Variants in CDH5 observed in about 807,000 individuals in gnomAD.
CDH5 encodes the protein cadherin 5.
Under a neutral mutation model 62.0 loss-of-function variants are expected in CDH5, and 28 were observed. The ratio of observed to expected loss-of-function variants is 0.45; its 90% CI spans 0.33 to 0.62. CDH5 has a LOEUF of 0.62. CDH5 is among the 20% of genes least tolerant of loss of function. The pLI, the probability that CDH5 is intolerant of heterozygous loss-of-function variation, is 0.02. For missense variants in CDH5, 940 were observed against 1,065.1 expected, an observed-to-expected ratio of 0.88 and a Z score of 1.63; for synonymous variants, 464 against 445.8, an observed-to-expected ratio of 1.04 and a Z score of -0.52.
At position 66,390,494 on chromosome 16, in the gene CDH5, G is replaced by A; in HGVS notation, c.873G>A (p.Arg291=). 2 of 1,614,168 alleles carry A rather than the reference G, an allele frequency of 1.2e-6. No individual in the cohort carries two copies. The highest frequency in any genetic ancestry group is 1.7e-6 in the Non-Finnish European group (2 of 1,180,038). The part of the protein sequence containing the change: ...FVEDPDEPQN[R]MTKYSILRGD... Reference sequence around the variant, plus strand: ...AGGACCCAGATGAGCCCCAGAACCGGATGACCAAGTACAGCATCTTGCGGG... The same window carrying A: ...AGGACCCAGATGAGCCCCAGAACCGAATGACCAAGTACAGCATCTTGCGGG... The change falls in exon 6 of 12, where the codon CGG becomes CGA. Residue 291 remains arginine (R), a synonymous_variant. Transcript: ENST00000341529.
chr16:66,377,319 A>G (rs1426781064), intron 1 of CDH5: 1 of 152,248 alleles, frequency 6.6e-6, no homozygotes, highest in Non-Finnish European at 1.5e-5. Context: ...ATGGCTGAGG[A>G]AACTGAGGCC....
chr16:66,371,122 C>T (rs1960679588), intron 1 of CDH5, among the ~76,000 whole-genome samples: 2 of 152,124 alleles, frequency 1.3e-5, no homozygotes, highest in Admixed American at 1.3e-4. Flanking sequence ...TCCCGAGCTC[C>T]CAGGGCCTCA....
chr16:66,369,980 T>G (rs1010754631), intron 1 of CDH5, among the ~76,000 whole-genome samples: 12 of 150,280 alleles, frequency 8.0e-5, no homozygotes, highest in Non-Finnish European at 1.3e-4. Flanking sequence ...CTGGAGACTT[T>G]TTTGTTTGTT....
Position 66,402,966 on chromosome 16 carries a change from C to G in CDH5, c.2152C>G (p.His718Asp), listed in dbSNP as rs765646770. The G allele has an allele frequency of 1.9e-6, 3 of 1,612,980 alleles. No homozygotes were observed. The East Asian group carries it at 6.7e-5, about 36-fold the overall frequency. Residue 718 changes from histidine to aspartate, a missense_variant, in exon 12 of 12, where the codon CAC (histidine) becomes GAC (aspartate). By Grantham distance (81) the His-to-Asp change is moderately conservative (BLOSUM62 -1). Coordinates refer to ENST00000341529, the MANE Select transcript of CDH5 (RefSeq NM_001795.5). Reference protein sequence around the residue: ...MIEVKKDEADHDGDGPPYDTL... With the variant: ...MIEVKKDEADDDGDGPPYDTL... The stretch of plus-strand genomic sequence containing the variant: ...CGAGGTGAAGAAGGACGAGGCGGAC[C>G]ACGACGGCGACGGCCCCCCCTACGA...
In CDH5 at chr16:66,402,824, G is replaced by C. The variant is rs1358417367; in HGVS notation, c.2010G>C (p.Gly670=). 6.3e-7 allele frequency: 1 copy of C among 1,599,638 alleles called. No individual in the cohort carries two copies. The highest frequency in any genetic ancestry group is 8.5e-7 in the Non-Finnish European group (1 of 1,173,858). ...VSVLNSVRRG[G]AKPPRPALDA... The stretch of plus-strand genomic sequence containing the variant: ...TGCTCAACTCGGTGCGCCGCGGCGG[G>C]GCCAAGCCCCCGCGGCCCGCGCTGG... The change falls in exon 12 of 12, where the codon GGG becomes GGC. Residue 670 remains glycine, a synonymous_variant. Coordinates refer to ENST00000341529, the MANE Select transcript of CDH5 (RefSeq NM_001795.5).
rs1961213023 is a variant in CDH5, at chr16:66,397,884, A to T, written c.1361-98A>T. 4 of 1,408,782 alleles carry T rather than the reference A, an allele frequency of 2.8e-6. No individual in the cohort carries two copies. The East Asian group carries it at 9.2e-5, about 32-fold the overall frequency. 87.3% of individuals were successfully genotyped at this position (1,408,782 alleles called of 1,614,324 possible). A position where few individuals can be genotyped will look rare whatever the true frequency, so the allele number is the denominator to read the frequency against. Reference sequence around the variant, plus strand: ...CTGTTCCACAGCCTCCTCCTGCAAAAAGTGGCCTCCATAGGGCAGCCCTCC... The same window carrying T: ...CTGTTCCACAGCCTCCTCCTGCAAATAGTGGCCTCCATAGGGCAGCCCTCC... On this transcript the variant is annotated intron_variant, in intron 8 of 11. Coordinates refer to ENST00000341529, the MANE Select transcript of CDH5 (RefSeq NM_001795.5).
At chr16:66,371,718 C>T (rs1960694453) in intron 1 of CDH5, among the ~76,000 whole-genome samples, 1 of 152,186 alleles carries the variant, frequency 6.6e-6, no homozygotes, top group South Asian at 2.1e-4. Context: ...CCCCTGGAAT[C>T]TAAGGCTTGA....
intron 8 of CDH5, among the ~76,000 whole-genome samples, chr16:66,397,003 G>C (rs1961196456): frequency 6.6e-6 from 1 of 152,088 alleles, no homozygotes; most frequent in African/African-American, 2.4e-5. Context: ...ACATTTAAAT[G>C]GTTTAAAATA....
chr16:66,387,853 A>G (rs1235953422), intron 3 of CDH5, among the ~76,000 whole-genome samples: 1 of 152,058 alleles, frequency 6.6e-6, no homozygotes, highest in Non-Finnish European at 1.5e-5. Context: ...TCTTCAGTAC[A>G]CCTCAGACTC....
intron 10 of CDH5, among the ~76,000 whole-genome samples, 178 bp downstream of exon 10, chr16:66,398,739 A>T (rs1409482643): frequency 6.6e-6 from 1 of 152,216 alleles, no homozygotes; most frequent in African/African-American, 2.4e-5. Context: ...CTCCAAAAAA[A>T]GAACAAATGC....
chr16:66,400,155 G>A (rs1249301050), intron 10 of CDH5, among the ~76,000 whole-genome samples: 1 of 152,206 alleles, frequency 6.6e-6, no homozygotes, highest in Non-Finnish European at 1.5e-5. Context: ...TTGGGTACAG[G>A]AAACCACTGA....
rs1438706346 is a variant in CDH5 at position 66,392,400 on chromosome 16, C to T, written c.1217+17C>T. The stretch of plus-strand genomic sequence containing the variant: ...TAGCATTGGGTAAGGGGGCGTGTGT[C>T]GATGAGAATGATAAGGACAATCCGG... On this transcript the variant is annotated intron_variant, in intron 7 of 11. Coordinates refer to ENST00000341529, the MANE Select transcript of CDH5 (RefSeq NM_001795.5). 1.6e-5 allele frequency: 26 copies of T among 1,613,480 alleles called. No homozygotes were observed. The highest frequency in any genetic ancestry group is 1.7e-4 in the Middle Eastern group (1 of 6,034).
At chr16:66,368,329 C>T (rs1960624466) in intron 1 of CDH5, among the ~76,000 whole-genome samples, 1 of 152,180 alleles carries the variant, frequency 6.6e-6, no homozygotes, top group South Asian at 2.1e-4. Flanking sequence ...GGCCCAAGAG[C>T]TGCTGAGCCC....
chr16:66,402,704 G>T lies in CDH5; in HGVS notation c.1890G>T (p.Ala630=), dbSNP rs199547402. 32 of 1,608,612 alleles carry T rather than the reference G, an allele frequency of 2.0e-5. No homozygotes were observed. The East Asian group carries it at 4.9e-4, about 25-fold the overall frequency. The change falls in exon 12 of 12, where the codon GCG becomes GCT. Residue 630 remains alanine (A), a synonymous_variant. Transcript: ENST00000341529. Reference sequence around the variant, plus strand: ...GGCGGCTCCGGAAGCAGGCCCGCGCGCACGGCAAGAGCGTGCCGGAGATCC... The same window carrying T: ...GGCGGCTCCGGAAGCAGGCCCGCGCTCACGGCAAGAGCGTGCCGGAGATCC... The part of the protein sequence containing the change: ...LRRRLRKQAR[A]HGKSVPEIHE...
At chr16:66,376,953 G>C (rs948252871) in intron 1 of CDH5, among the ~76,000 whole-genome samples, 1 of 152,172 alleles carries the variant, frequency 6.6e-6, no homozygotes, top group Non-Finnish European at 1.5e-5. Context: ...CTCAGAGCCT[G>C]GGCGCTCACC....
intron 7 of CDH5, 24 bp from the exon 8 acceptor site, chr16:66,396,035 C>T (rs1961178264): frequency 6.2e-7 from 1 of 1,609,132 alleles, no homozygotes; most frequent in African/African-American, 1.3e-5. Context: ...AATGGAAAGC[C>T]ATGAAACTCT....
chr16:66,379,127 C>T (rs778099402), intron 1 of CDH5, 192 bp from the exon 2 acceptor site: 3 of 548,318 alleles, frequency 5.5e-6, no homozygotes, highest in Non-Finnish European at 9.5e-6. Flanking sequence ...CTCATGTTGT[C>T]CTAAAACCGA....
chr16:66,382,915 A>G (rs899730348), intron 2 of CDH5, among the ~76,000 whole-genome samples: 19 of 152,182 alleles, frequency 1.2e-4, no homozygotes, highest in African/African-American at 4.3e-4. Context: ...CTGAACCCAC[A>G]AATATGGGTT....
chr16:66,385,980 T>G (rs992440279), intron 2 of CDH5, among the ~76,000 whole-genome samples: 1 of 152,220 alleles, frequency 6.6e-6, no homozygotes, highest in Non-Finnish European at 1.5e-5. Flanking sequence ...AAGAGTTCAG[T>G]GTTTCCCAGA....
Sources: allele counts gnomAD v4.1 joint callset (sites outside exome capture counted in the v4.1 genomes callset), GRCh38; gene constraint gnomAD v4.1.1; transcripts MANE v1.5; gene names NCBI Gene and HGNC (gene_info 2026-07-23, HGNC 2026-07-21).